The following LAG3 variants were observed in gnomAD, a reference collection of about 807,000 sequenced individuals.
LAG3 encodes the protein lymphocyte activation gene 3 protein.
Under a neutral mutation model 49.0 loss-of-function variants are expected in LAG3, and 29 were observed. That is an observed-to-expected ratio of 0.59 (90% CI 0.44 to 0.81). The LOEUF (loss-of-function observed/expected upper bound fraction) is 0.81. Ranked by LOEUF, LAG3 falls within the 30% of genes least tolerant of loss-of-function variation. The pLI is 0.00. For synonymous variants in LAG3, 320 were observed against 297.3 expected (o/e 1.08, Z -0.79); for missense variants, 693 against 695.2 (o/e 1.00, Z 0.04).
intron 5 of LAG3, 65 bp downstream of exon 5, chr12:6,775,613 G>C: frequency 6.5e-7 from 1 of 1,549,686 alleles, no homozygotes; most frequent in Non-Finnish European, 8.8e-7. Flanking sequence ...AGGAAGGGCT[G>C]GCAGGGCAAA....
rs1039810988 is a variant in LAG3 at position 6,774,803 on chromosome 12, C to A, written c.720C>A (p.Gly240=). The A allele has an allele frequency of 2.5e-6, 4 of 1,614,048 alleles. No homozygotes were observed. In the African/African-American group the frequency reaches 5.3e-5, roughly 22 times the overall value. The part of the protein sequence containing the change: ...QVSPMDSGPW[G]CILTYRDGFN... ...GCCCCATGGACTCTGGGCCCTGGGG[C>A]TGCATCCTCACCTACAGAGATGGCT... The change falls in exon 4 of 8, where the codon GGC becomes GGA. Residue 240 remains glycine, a synonymous_variant. Transcript: ENST00000203629.
chr12:6,773,811 A>G lies in LAG3; in HGVS notation c.321A>G (p.Gly107=). 7.1e-7 allele frequency: 1 copy of G among 1,399,766 alleles called. No individual in the cohort carries two copies. Among genetic ancestry groups the G allele is most frequent in the South Asian group, 1.5e-5 (1 of 65,548 alleles). 86.7% of individuals were successfully genotyped at this position (1,399,766 alleles called of 1,614,324 possible). The part of the protein sequence containing the change: ...RRYTVLSVGP[G]GLRSGRLPLQ... ...ACACGGTGCTGAGCGTGGGTCCCGG[A>G]GGCCTGCGCAGCGGGAGGCTGCCCC... The change falls in exon 3 of 8, where the codon GGA becomes GGG. Residue 107 remains glycine, a synonymous_variant. Coordinates refer to ENST00000203629, the MANE Select transcript of LAG3 (RefSeq NM_002286.6). The surrounding 1 kb of genome is among the most constrained non-coding windows in gnomAD (Gnocchi z 5.5).
Position 6,773,919 on chromosome 12 carries a change from C to A in LAG3, c.429C>A (p.Asp143Glu). 2.2e-6 allele frequency: 3 copies of A among 1,382,290 alleles called. No homozygotes were observed. The highest frequency in any genetic ancestry group is 2.8e-6 in the Non-Finnish European group (3 of 1,076,670). The allele number at this position is 1,382,290 out of a possible 1,614,324, so 85.6% of individuals were successfully genotyped here. Residue 143 changes from aspartate (D) to glutamate (E), a missense_variant, in exon 3 of 8, where the codon GAC becomes GAA. Coordinates refer to ENST00000203629, the MANE Select transcript of LAG3 (RefSeq NM_002286.6). The surrounding 1 kb of genome is among the most constrained non-coding windows in gnomAD (Gnocchi z 5.5). ...SLWLRPARRA[D>E]AGEYRAAVHL... ...GGCTGCGCCCAGCCCGGCGCGCGGA[C>A]GCCGGCGAGTACCGCGCCGCGGTGC...
At position 6,774,793 on chromosome 12, in the gene LAG3, G is replaced by A; in HGVS notation, c.710G>A (p.Gly237Glu). The change falls in exon 4 of 8, where the codon GGG becomes GAG. Residue 237 changes from glycine to glutamate, a missense_variant. Physicochemically the swap from Gly to Glu is moderately conservative, Grantham distance 98 (BLOSUM62 -2). Transcript: ENST00000203629. ...CCCCAAGTCAGCCCCATGGACTCTG[G>A]GCCCTGGGGCTGCATCCTCACCTAC... ...FLPQVSPMDS[G>E]PWGCILTYRD... 6.2e-7 allele frequency: 1 copy of A among 1,614,072 alleles called. No homozygotes were observed.
At chr12:6,777,607 C>T (rs940720201) in intron 6 of LAG3, 101 bp downstream of exon 6, 14 of 1,495,630 alleles carry the variant, frequency 9.4e-6, no homozygotes, top group African/African-American at 8.4e-5. Flanking sequence ...CTTTTCTTTC[C>T]AGTCAGGGAC....
Position 6,777,519 on chromosome 12 carries a change from A to G in LAG3, c.1300+13A>G. On this transcript the variant is annotated intron_variant, in intron 6 of 7. Transcript: ENST00000203629. ...CTGTCTAGCCCAGGTCCGAGGCCCCAGAATGCCAGGACCCAAACGCCACAG... is the reference window on the plus strand; with the variant it reads ...CTGTCTAGCCCAGGTCCGAGGCCCCGGAATGCCAGGACCCAAACGCCACAG... 5 of 1,611,256 alleles carry G rather than the reference A, an allele frequency of 3.1e-6. No homozygotes were observed. Among genetic ancestry groups the G allele is most frequent in the Non-Finnish European group, 4.2e-6 (5 of 1,178,608 alleles).
chr12:6,774,845 G>C lies in LAG3; in HGVS notation c.762G>C (p.Met254Ile). ...TYRDGFNVSIMYNLTVLGLEP... is the reference protein window; with the variant it reads ...TYRDGFNVSIIYNLTVLGLEP... ...GAGATGGCTTCAACGTCTCCATCAT[G>C]TATAACCTCACTGTTCTGGGTAACT... is the stretch of plus-strand genomic sequence containing the variant. Residue 254 changes from methionine (M) to isoleucine (I), a missense_variant, in exon 4 of 8, where the codon ATG becomes ATC. Physicochemically the swap from Met to Ile is conservative, Grantham distance 10 (BLOSUM62 1). Transcript: ENST00000203629. 1.9e-6 allele frequency: 3 copies of C among 1,613,920 alleles called. No homozygotes were observed. Among genetic ancestry groups the C allele is most frequent in the Non-Finnish European group, 2.5e-6 (3 of 1,179,862 alleles).
rs769314616 is a variant in LAG3 at position 6,777,900 on chromosome 12, C to T, written c.1410C>T (p.Gly470=). The T allele has an allele frequency of 6.2e-7, 1 of 1,613,622 alleles. No homozygotes were observed. The highest frequency in any genetic ancestry group is 1.3e-5 in the African/African-American group (1 of 74,876). The change falls in exon 7 of 8, where the codon GGC becomes GGT. Residue 470 remains glycine, a synonymous_variant. Transcript: ENST00000203629. ...TCCTTTTGGTGACTGGAGCCTTTGG[C>T]TTTCACCTTTGGAGAAGACAGGTGA... ...SLLLLVTGAF[G]FHLWRRQWRP...
In LAG3 at chr12:6,775,512, C is replaced by A. The variant is rs1364738997; in HGVS notation, c.1021C>A (p.Gln341Lys). 1 of 1,614,120 alleles carries A rather than the reference C, an allele frequency of 6.2e-7. No homozygotes were observed. The highest frequency in any genetic ancestry group is 1.3e-5 in the African/African-American group (1 of 74,948). Residue 341 changes from glutamine (Q) to lysine (K), a missense_variant, in exon 5 of 8, where the codon CAG (glutamine) becomes AAG (lysine). Physicochemically the swap from Gln to Lys is moderately conservative, Grantham distance 53. Transcript: ENST00000203629. ...CTGCCATATCCATCTGCAGGAACAG[C>A]AGCTCAATGCCACTGTCACATTGGC... ...YTCHIHLQEQ[Q>K]LNATVTLAII...
chr12:6,777,609 G>A, intron 6 of LAG3, 103 bp downstream of exon 6: 1 of 1,497,978 alleles, frequency 6.7e-7, no homozygotes, highest in Admixed American at 2.2e-5. Context: ...TTTCTTTCCA[G>A]TCAGGGACCT....
In LAG3 at chr12:6,773,752, G is replaced by A. The variant is rs1941870268; in HGVS notation, c.262G>A (p.Ala88Thr). The A allele has an allele frequency of 2.3e-6, 3 of 1,325,812 alleles. No homozygotes were observed. Among genetic ancestry groups the A allele is most frequent in the Non-Finnish European group, 2.9e-6 (3 of 1,044,440 alleles). The allele number at this position is 1,325,812 out of a possible 1,614,324, so 82.1% of individuals were successfully genotyped here. A position where few individuals can be genotyped will look rare whatever the true frequency, so the allele number is the denominator to read the frequency against. The change falls in exon 3 of 8, where the codon GCG becomes ACG. Residue 88 changes from alanine (A) to threonine (T), a missense_variant. By Grantham distance (58) the Ala-to-Thr change is moderately conservative. Transcript: ENST00000203629. This position sits in a 1 kb window ranked among gnomAD's most constrained non-coding sequence, Gnocchi z 5.5. The stretch of plus-strand genomic sequence containing the variant: ...CCTGGCCCCCGGCCCTCACCCGGCG[G>A]CGCCCTCCTCCTGGGGGCCCAGGCC... ...HPLAPGPHPA[A>T]PSSWGPRPRR...
chr12:6,777,829 G>A lies in LAG3; in HGVS notation c.1339G>A (p.Ala447Thr). 6.2e-7 allele frequency: 1 copy of A among 1,613,736 alleles called. No individual in the cohort carries two copies. Among genetic ancestry groups the A allele is most frequent in the Non-Finnish European group, 8.5e-7 (1 of 1,179,890 alleles). ...TGGGAGAGCCCCAGGTGCCCTCCCA[G>A]CAGGCCACCTCCTGCTGTTTCTCAT... ...RSGRAPGALP[A>T]GHLLLFLILG... Residue 447 changes from alanine (A) to threonine (T), a missense_variant, in exon 7 of 8, where the codon GCA becomes ACA. Physicochemically the swap from Ala to Thr is moderately conservative, Grantham distance 58 (BLOSUM62 0). Coordinates refer to ENST00000203629, the MANE Select transcript of LAG3 (RefSeq NM_002286.6).
Position 6,773,782 on chromosome 12 carries a change from C to T in LAG3, c.292C>T (p.Arg98Cys). The part of the protein sequence containing the change: ...APSSWGPRPR[R>C]YTVLSVGPGG... ...CTCCTCCTGGGGGCCCAGGCCCCGC[C>T]GCTACACGGTGCTGAGCGTGGGTCC... The change falls in exon 3 of 8, where the codon CGC (arginine) becomes TGC (cysteine). Residue 98 changes from arginine (R) to cysteine (C), a missense_variant. Physicochemically the swap from Arg to Cys is radical, Grantham distance 180. Coordinates refer to ENST00000203629, the MANE Select transcript of LAG3 (RefSeq NM_002286.6). The surrounding 1 kb of genome is among the most constrained non-coding windows in gnomAD (Gnocchi z 5.5). 1 of 1,354,780 alleles carries T rather than the reference C, an allele frequency of 7.4e-7. No individual in the cohort carries two copies. The highest frequency in any genetic ancestry group is 1.8e-5 in the South Asian group (1 of 55,638). The allele number at this position is 1,354,780 out of a possible 1,614,324, so 83.9% of individuals were successfully genotyped here.
Position 6,773,293 on chromosome 12 carries a change from A to G in LAG3, c.160A>G (p.Ser54Gly). Residue 54 changes from serine (S) to glycine (G), a missense_variant, in exon 2 of 8, where the codon AGC becomes GGC. Coordinates refer to ENST00000203629, the MANE Select transcript of LAG3 (RefSeq NM_002286.6). The surrounding 1 kb of genome is among the most constrained non-coding windows in gnomAD (Gnocchi z 5.5). ...CCCCACAATCCCCCTCCAGGATCTC[A>G]GCCTTCTGCGAAGAGCAGGGGTCAC... Reference protein sequence around the residue: ...CSPTIPLQDLSLLRRAGVTWQ... With the variant: ...CSPTIPLQDLGLLRRAGVTWQ... 6.2e-7 allele frequency: 1 copy of G among 1,613,760 alleles called. No homozygotes were observed. The highest frequency in any genetic ancestry group is 8.5e-7 in the Non-Finnish European group (1 of 1,179,870).
At chr12:6,774,348 C>T (rs895427557) in intron 3 of LAG3, among the ~76,000 whole-genome samples, 1 of 152,170 alleles carries the variant, frequency 6.6e-6, no homozygotes, top group Non-Finnish European at 1.5e-5. Flanking sequence ...GCCAGGAAAA[C>T]GGCAAGGGTG....
Position 6,773,434 on chromosome 12 carries a change from C to T in LAG3, c.206+95C>T. Reference sequence around the variant, plus strand: ...CTGTCCCCTGCCCTGAGGTGTCACTCCCTCTGAAGCCAGTGACCCAGTCTC... The same window carrying T: ...CTGTCCCCTGCCCTGAGGTGTCACTTCCTCTGAAGCCAGTGACCCAGTCTC... On this transcript the variant is annotated intron_variant, in intron 2 of 7. Coordinates refer to ENST00000203629, the MANE Select transcript of LAG3 (RefSeq NM_002286.6). The surrounding 1 kb of genome is among the most constrained non-coding windows in gnomAD (Gnocchi z 5.5). 1.0e-5 allele frequency: 15 copies of T among 1,428,974 alleles called. No individual in the cohort carries two copies. Among genetic ancestry groups the T allele is most frequent in the Non-Finnish European group, 1.4e-5 (15 of 1,047,894 alleles). The allele number at this position is 1,428,974 out of a possible 1,614,324, so 88.5% of individuals were successfully genotyped here.
intron 4 of LAG3, 88 bp from the exon 5 acceptor site, chr12:6,775,185 A>G (rs891481781): frequency 7.2e-7 from 1 of 1,395,116 alleles, no homozygotes; most frequent in Non-Finnish European, 9.9e-7. Flanking sequence ...CCATCTCCTG[A>G]ATTCTTCTGC....
intron 4 of LAG3, among the ~76,000 whole-genome samples, 198 bp downstream of exon 4, chr12:6,775,062 T>A (rs1243845430): frequency 1.3e-5 from 2 of 152,148 alleles, no homozygotes; most frequent in African/African-American, 4.8e-5. Context: ...TCCCGTGGCC[T>A]TCCAGCGTCA....
chr12:6,772,823 G>A lies in LAG3; in HGVS notation c.-30G>A, dbSNP rs537619345. On this transcript the variant is annotated 5_prime_UTR_variant, in exon 1 of 8. Coordinates refer to ENST00000203629, the MANE Select transcript of LAG3 (RefSeq NM_002286.6). ...TTTCCTTTTCTGACCTCCTTTTGGA[G>A]GGCTCAGCGCTGCCCAGACCATAGG... is the stretch of plus-strand genomic sequence containing the variant. 5.6e-6 allele frequency: 9 copies of A among 1,595,436 alleles called. No individual in the cohort carries two copies. In the East Asian group the frequency reaches 1.8e-4, roughly 32 times the overall value.
Sources: allele counts gnomAD v4.1 joint callset (sites outside exome capture counted in the v4.1 genomes callset), GRCh38; gene constraint gnomAD v4.1.1; non-coding constraint Gnocchi (gnomAD v3.1); transcripts MANE v1.5; gene names NCBI Gene and HGNC (gene_info 2026-07-23, HGNC 2026-07-21).